UBE2E2: variants seen among roughly 807,000 people sequenced by gnomAD.
The protein encoded by UBE2E2 is ubiquitin conjugating enzyme E2 E2.
Under a neutral mutation model 24.7 loss-of-function variants are expected in UBE2E2, and 6 were observed. That is an observed-to-expected ratio of 0.24 (90% CI 0.13 to 0.48). The LOEUF is 0.48. Among genes scored for constraint, UBE2E2 ranks in the 20% least tolerant of loss-of-function variants. UBE2E2 has a pLI of 0.99. For synonymous variants in UBE2E2, 104 were observed against 83.6 expected (o/e 1.24, Z -1.33); for missense variants, 169 against 245.0 (o/e 0.69, Z 2.07).
chr3:23,279,527 G>T (rs1489266394), intron 3 of UBE2E2, among the ~76,000 whole-genome samples: 1 of 152,174 alleles, frequency 6.6e-6, no homozygotes, highest in East Asian at 1.9e-4. Flanking sequence ...TTGGGGTGGG[G>T]TTTTAACATT....
At chr3:23,229,610 G>A (rs1297588599) in intron 3 of UBE2E2, among the ~76,000 whole-genome samples, 1 of 152,130 alleles carries the variant, frequency 6.6e-6, no homozygotes, top group African/African-American at 2.4e-5. Flanking sequence ...GGCAGAACTA[G>A]GATTTCAACC....
intron 3 of UBE2E2, among the ~76,000 whole-genome samples, chr3:23,221,614 T>G (rs1203667530): frequency 1.3e-5 from 2 of 152,140 alleles, no homozygotes; most frequent in Non-Finnish European, 2.9e-5. Context: ...TCAAGGTTCA[T>G]CCATGTTGCT....
At chr3:23,223,424 C>A (rs1054822637) in intron 3 of UBE2E2, among the ~76,000 whole-genome samples, 1 of 152,068 alleles carries the variant, frequency 6.6e-6, no homozygotes, top group Non-Finnish European at 1.5e-5. Context: ...AACTCCTGAC[C>A]TCAAGTGATC....
At chr3:23,445,561 C>T (rs1016421124) in intron 3 of UBE2E2, among the ~76,000 whole-genome samples, 3 of 152,186 alleles carry the variant, frequency 2.0e-5, no homozygotes, top group African/African-American at 4.8e-5. Flanking sequence ...TAGGTCTGCT[C>T]CTGAATAAGG....
intron 3 of UBE2E2, among the ~76,000 whole-genome samples, chr3:23,329,726 C>G (rs1243754608): frequency 6.6e-6 from 1 of 152,232 alleles, no homozygotes; most frequent in African/African-American, 2.4e-5. Flanking sequence ...GTAGTCTTAT[C>G]TGCAAATTCC....
intron 3 of UBE2E2, among the ~76,000 whole-genome samples, chr3:23,307,846 A>G (rs1435590698): frequency 6.6e-6 from 1 of 152,186 alleles, no homozygotes; most frequent in Non-Finnish European, 1.5e-5. Flanking sequence ...AGGTAAATGT[A>G]AATAGAAGTG....
chr3:23,484,116 T>C (rs1367800294), intron 3 of UBE2E2, among the ~76,000 whole-genome samples: 1 of 152,238 alleles, frequency 6.6e-6, no homozygotes, highest in Non-Finnish European at 1.5e-5. Context: ...CATCCTGGTA[T>C]ATCTGCTGTT....
At chr3:23,457,221 T>G (rs533297654) in intron 3 of UBE2E2, among the ~76,000 whole-genome samples, 1 of 152,280 alleles carries the variant, frequency 6.6e-6, no homozygotes, top group South Asian at 2.1e-4. Context: ...GGGCAGGGAT[T>G]TTAGTATGCA....
intron 3 of UBE2E2, among the ~76,000 whole-genome samples, chr3:23,319,486 C>A (rs1020029636): frequency 4.6e-5 from 7 of 152,094 alleles, no homozygotes; most frequent in Non-Finnish European, 1.0e-4. Context: ...ATTCTGATTT[C>A]TTTTATTTGT....
At chr3:23,367,948 G>A (rs139940189) in intron 3 of UBE2E2, among the ~76,000 whole-genome samples, 62 of 152,290 alleles carry the variant, frequency 4.1e-4, no homozygotes, top group African/African-American at 1.4e-3. Flanking sequence ...GAAATCTTCT[G>A]TGTTGATTTT....
At chr3:23,444,924 A>G (rs1698392933) in intron 3 of UBE2E2, among the ~76,000 whole-genome samples, 1 of 152,180 alleles carries the variant, frequency 6.6e-6, no homozygotes, top group Non-Finnish European at 1.5e-5. Flanking sequence ...TGGGAGCTGG[A>G]ACTAAATCCA....
In UBE2E2 at chr3:23,412,125, G is replaced by A. The variant is rs947981148; in HGVS notation, c.228-87483G>A. On this transcript the variant is annotated intron_variant, in intron 3 of 5. Coordinates refer to ENST00000396703, the MANE Select transcript of UBE2E2 (RefSeq NM_152653.4). The stretch of plus-strand genomic sequence containing the variant: ...AGGAAAAGTAGAAAGCTCCCCCCAA[G>A]ATGGTGCAGAATTAGTTACCAGTTA... Among the ~76,000 whole-genome samples the A allele has an allele frequency of 2.0e-5, 3 of 152,220 alleles. No individual in the cohort carries two copies. The South Asian group carries it at 6.2e-4, about 32-fold the overall frequency.
chr3:23,279,559 C>G (rs952126404), intron 3 of UBE2E2, among the ~76,000 whole-genome samples: 9 of 152,152 alleles, frequency 5.9e-5, no homozygotes, highest in African/African-American at 2.2e-4. Flanking sequence ...GAATTTGGTT[C>G]TTTGCATCAA....
intron 3 of UBE2E2, among the ~76,000 whole-genome samples, chr3:23,498,616 A>G (rs919016277): frequency 7.9e-5 from 12 of 152,156 alleles, no homozygotes; most frequent in African/African-American, 2.9e-4. Context: ...AATTTTCTCC[A>G]TAAAGATCTT....
At chr3:23,456,159 A>T (rs142586902) in intron 3 of UBE2E2, among the ~76,000 whole-genome samples, 8 of 152,356 alleles carry the variant, frequency 5.3e-5, no homozygotes, top group Non-Finnish European at 7.3e-5. Context: ...AAGTTTGATC[A>T]TAAGATTGCA....
At chr3:23,379,873 A>G (rs1696622791) in intron 3 of UBE2E2, among the ~76,000 whole-genome samples, 1 of 152,088 alleles carries the variant, frequency 6.6e-6, no homozygotes, top group South Asian at 2.1e-4. Context: ...CGTTAGACAA[A>G]CTCAGAGTAA....
intron 3 of UBE2E2, among the ~76,000 whole-genome samples, chr3:23,217,838 A>C (rs754643522): frequency 1.3e-5 from 2 of 152,026 alleles, no homozygotes; most frequent in African/African-American, 2.4e-5. Context: ...TATGATCATG[A>C]CCTCGAATTT....
intron 3 of UBE2E2, among the ~76,000 whole-genome samples, chr3:23,334,058 G>A (rs911032626): frequency 6.6e-6 from 1 of 152,114 alleles, no homozygotes; most frequent in Admixed American, 6.6e-5. Flanking sequence ...ATTTAGAAAA[G>A]AAGCAGTTTC....
Position 23,554,872 on chromosome 3 carries a change from G to T in UBE2E2, c.508+22171G>T, listed in dbSNP as rs371049241. 5.3e-5 allele frequency among the ~76,000 whole-genome samples: 8 copies of T among 151,414 alleles called. No individual in the cohort carries two copies. In the East Asian group the frequency reaches 1.2e-3, roughly 22 times the overall value. ...ATTTATTTTTAAAAAAACTCATACAGTTCAGTAGCAAGAAAACATATAATC... is the reference window on the plus strand; with the variant it reads ...ATTTATTTTTAAAAAAACTCATACATTTCAGTAGCAAGAAAACATATAATC... On this transcript the variant is annotated intron_variant, in intron 5 of 5. Coordinates refer to ENST00000396703, the MANE Select transcript of UBE2E2 (RefSeq NM_152653.4).
Sources: gnomAD v4.1 joint callset for allele counts (sites outside exome capture counted in the v4.1 genomes callset) on GRCh38, gnomAD v4.1.1 for gene constraint, MANE v1.5 for transcripts, NCBI Gene and HGNC (gene_info 2026-07-23, HGNC 2026-07-21) for gene names.